Variants in GBP1 observed in about 807,000 individuals in gnomAD.
GBP1 encodes guanylate binding protein 1, also known as guanylate-binding protein 1.
GBP1 carries 64 observed loss-of-function variants against 69.5 expected under a neutral mutation model. The ratio of observed to expected loss-of-function variants is 0.92; its 90% confidence interval spans 0.75 to 1.13. The LOEUF (loss-of-function observed/expected upper bound fraction) is 1.13. GBP1 is among the 50% of genes most tolerant of loss of function. The pLI is 0.00. For synonymous variants in GBP1, 250 were observed against 261.2 expected, an observed-to-expected ratio of 0.96 and a Z score of 0.41; for missense variants, 630 against 704.1, an observed-to-expected ratio of 0.89 and a Z score of 1.19.
chr1:89,062,780 A>G, intron 2 of GBP1: 1 of 401,944 alleles, frequency 2.5e-6, no homozygotes. Context: ...ATTATTATGT[A>G]CATTAATTAT....
chr1:89,061,886 A>G (rs1680208686), intron 2 of GBP1, among the ~76,000 whole-genome samples: 2 of 152,172 alleles, frequency 1.3e-5, no homozygotes, highest in South Asian at 4.1e-4. Context: ...ACAAGTGGCC[A>G]ATAAGCACGT....
Position 89,053,319 on chromosome 1 carries a change from A to G in GBP1, c.*36T>C. 1 of 1,518,780 alleles carries G rather than the reference A, an allele frequency of 6.6e-7. No individual in the cohort carries two copies. The highest frequency in any genetic ancestry group is 9.0e-7 in the Non-Finnish European group (1 of 1,112,536). The allele number at this position is 1,518,780 out of a possible 1,614,324, so 94.1% of individuals were successfully genotyped here. A position where few individuals can be genotyped will look rare whatever the true frequency, so the allele number is the denominator to read the frequency against. On this transcript the variant is annotated 3_prime_UTR_variant, in exon 11 of 11. Transcript: ENST00000370473. ...TCCAAATTCTAAAATTGTTTCAATT[A>G]TGCCTTGGTTAGGGGTGACAGGAAG...
chr1:89,064,230 TGTGTGTGTGTGA>T (rs1188839482), intron 1 of GBP1, among the ~76,000 whole-genome samples: 4 of 110,528 alleles, frequency 3.6e-5, no homozygotes, highest in African/African-American at 1.3e-4. Flanking sequence ...TGTGTGTGTG[TGTGTGTGTGTGA>T]GAGAGAGAGA....
At chr1:89,062,645 T>A (rs1206473627) in intron 2 of GBP1, 2 of 165,074 alleles carry the variant, frequency 1.2e-5, no homozygotes, top group East Asian at 3.5e-4. Flanking sequence ...TTAAATTTTA[T>A]TTTTTTTACA....
chr1:89,056,706 T>A (rs550756492), intron 7 of GBP1, 148 bp downstream of exon 7: 1 of 973,188 alleles, frequency 1.0e-6, no homozygotes, highest in East Asian at 2.4e-5. Flanking sequence ...CAGTTGGTCC[T>A]TCTGACTGAT....
intron 2 of GBP1, 134 bp from the exon 3 acceptor site, chr1:89,060,458 A>G (rs1303362337): frequency 1.5e-6 from 1 of 688,464 alleles, no homozygotes; most frequent in Non-Finnish European, 2.1e-6. Flanking sequence ...CGTACTTACA[A>G]TCAAAGAAAT....
chr1:89,061,698 A>G (rs1283526057), intron 2 of GBP1, among the ~76,000 whole-genome samples: 1 of 152,168 alleles, frequency 6.6e-6, no homozygotes, highest in African/African-American at 2.4e-5. Flanking sequence ...ATTAACGGAC[A>G]CTATCAACAG....
chr1:89,059,030 G>A lies in GBP1; in HGVS notation c.442C>T (p.Leu148=). Residue 148 remains leucine, a synonymous_variant, in exon 5 of 11, where the codon CTG becomes TTG. Coordinates refer to ENST00000370473, the MANE Select transcript of GBP1 (RefSeq NM_002053.3). Reference sequence around the variant, plus strand: ...GATTTTGATCGGATTCTATGTGTCAGCTCTGTCACATAGCTGAGTAGCTAA... The same window carrying A: ...GATTTTGATCGGATTCTATGTGTCAACTCTGTCACATAGCTGAGTAGCTAA... ...AMDQLYYVTE[L]THRIRSKSSP... 1 of 1,614,136 alleles carries A rather than the reference G, an allele frequency of 6.2e-7. No homozygotes were observed. Among genetic ancestry groups the A allele is most frequent in the South Asian group, 1.1e-5 (1 of 91,082 alleles).
In GBP1 at chr1:89,059,356, C is replaced by G; in HGVS notation, c.389G>C (p.Ser130Thr). 1.2e-6 allele frequency: 2 copies of G among 1,614,098 alleles called. No homozygotes were observed. Among genetic ancestry groups the G allele is most frequent in the Non-Finnish European group, 1.7e-6 (2 of 1,180,006 alleles). ...AGCCTGCTGGTTGATGGTTCCTATG[C>G]TATTGTACACGAAGGTGCTGCTCAG... ...VLLSSTFVYN[S>T]IGTINQQAMD... The change falls in exon 4 of 11, where the codon AGC becomes ACC. Residue 130 changes from serine (S) to threonine (T), a missense_variant. Physicochemically the swap from Ser to Thr is moderately conservative, Grantham distance 58. This residue lies in a region of GBP1 where 26 missense variants were observed against 54.9 expected (regional missense o/e 0.47). Transcript: ENST00000370473.
At chr1:89,056,774 AAAAT>A (rs1680056701) in intron 7 of GBP1, 76 bp downstream of exon 7, 1 of 1,471,980 alleles carries the variant, frequency 6.8e-7, no homozygotes. Context: ...TACTTCCGTC[AAAAT>A]AAATAATAGT....
At chr1:89,062,815 A>G in intron 2 of GBP1, 1 of 526,672 alleles carries the variant, frequency 1.9e-6, no homozygotes, top group Non-Finnish European at 3.4e-6. Context: ...TACTCCTTTT[A>G]GGAGAGGCAT....
chr1:89,063,752 T>G (rs1680261741), intron 1 of GBP1, among the ~76,000 whole-genome samples: 1 of 152,218 alleles, frequency 6.6e-6, no homozygotes, highest in Non-Finnish European at 1.5e-5. Context: ...TGATTATGCT[T>G]ATTTCACTGC....
rs779156419 is a variant in GBP1, at chr1:89,058,170, C to A, written c.696G>T (p.Lys232Asn). 1.1e-5 allele frequency: 17 copies of A among 1,613,898 alleles called. No homozygotes were observed. Among genetic ancestry groups the A allele is most frequent in the Non-Finnish European group, 1.4e-5 (17 of 1,179,862 alleles). The change falls in exon 6 of 11, where the codon AAG (lysine) becomes AAT (asparagine). Residue 232 changes from lysine (K) to asparagine (N), a missense_variant. Around this residue, in one of 5 missense-constraint regions of GBP1, gnomAD observed 367 missense variants for 369.5 expected, o/e 0.99. Transcript: ENST00000370473. ...PRLCIRKFFP[K>N]KKCFVFDRPV... ...GCCGATCAAAGACAAAGCATTTTTT[C>A]TTTGGGAAGAATTTCCGGATACAGA...
chr1:89,057,191 T>G, intron 6 of GBP1, 57 bp from the exon 7 acceptor site: 1 of 1,601,860 alleles, frequency 6.2e-7, no homozygotes, highest in Non-Finnish European at 8.5e-7. Context: ...CTCTATTCCA[T>G]GTAATTCTGA....
chr1:89,056,982 C>A lies in GBP1; in HGVS notation c.1027G>T (p.Val343Leu). Residue 343 changes from valine (V) to leucine (L), a missense_variant, in exon 7 of 11, where the codon GTG becomes TTG. Val to Leu is a conservative substitution (Grantham distance 32). Coordinates refer to ENST00000370473, the MANE Select transcript of GBP1 (RefSeq NM_002053.3). ...AHYEQQMGQK[V>L]QLPTETLQEL... Reference sequence around the variant, plus strand: ...TGGAGGGTTTCTGTGGGCAGCTGCACCTTCTGGCCCATCTGCTGTTCATAG... The same window carrying A: ...TGGAGGGTTTCTGTGGGCAGCTGCAACTTCTGGCCCATCTGCTGTTCATAG... 6.2e-7 allele frequency: 1 copy of A among 1,614,222 alleles called. No homozygotes were observed. The highest frequency in any genetic ancestry group is 8.5e-7 in the Non-Finnish European group (1 of 1,180,032).
At chr1:89,059,788 T>C (rs1488824325) in intron 3 of GBP1, among the ~76,000 whole-genome samples, 2 of 152,152 alleles carry the variant, frequency 1.3e-5, no homozygotes, top group Non-Finnish European at 2.9e-5. Flanking sequence ...AGAATTCACA[T>C]ATAAGATTGG....
In GBP1 at chr1:89,053,182, CT is replaced by C. The variant is rs369775165; in HGVS notation, c.*172del. On this transcript the variant is annotated 3_prime_UTR_variant, in exon 11 of 11. Transcript: ENST00000370473. ...GCATCTTTGTTGCACAATTTACAGT[CT>C]TTTTTTTTTTTTAAGAAAAAACATG... 0.16 allele frequency: 65,315 copies of C among 403,450 alleles called. 2 individuals are homozygous for C. The highest frequency in any genetic ancestry group is 0.21 in the Middle Eastern group (305 of 1,466). 25.0% of individuals were successfully genotyped at this position (403,450 alleles called of 1,614,324 possible). A position where few individuals can be genotyped will look rare whatever the true frequency, so the allele number is the denominator to read the frequency against.
chr1:89,058,441 TG>T, intron 5 of GBP1: 2 of 548,040 alleles, frequency 3.6e-6, no homozygotes, highest in East Asian at 6.2e-5. Flanking sequence ...CAAAGACAGC[TG>T]GCAGGCAGGA....
intron 3 of GBP1, among the ~76,000 whole-genome samples, chr1:89,059,841 T>A (rs1328226): frequency 0.77 from 117,123 of 152,128 alleles, 45,358 homozygotes; most frequent in African/African-American, 0.81. Flanking sequence ...TATACACCTG[T>A]AATGTATTAT....
Sources: gnomAD v4.1 joint callset for allele counts (sites outside exome capture counted in the v4.1 genomes callset) on GRCh38, gnomAD v4.1.1 for gene constraint, gnomAD v4.1.1 regional missense constraint, MANE v1.5 for transcripts, NCBI Gene and HGNC (gene_info 2026-07-23, HGNC 2026-07-21) for gene names.